The following ZNF346 variants were observed in gnomAD, a reference collection of about 807,000 sequenced individuals.
ZNF346 encodes double-stranded RNA-binding zinc finger protein JAZ.
ZNF346 carries 23 observed loss-of-function variants against 33.7 expected under a neutral mutation model. That is an observed-to-expected ratio of 0.68 (90% CI 0.49 to 0.97). The LOEUF is 0.97. ZNF346 is among the 50% of genes least tolerant of loss of function. The pLI is 0.00. For synonymous variants in ZNF346, 134 were observed against 142.4 expected (o/e 0.94, Z 0.42); for missense variants, 340 against 371.1 (o/e 0.92, Z 0.69).
rs56812954 is a variant in ZNF346, at chr5:177,038,876, TTGTGTGTG to T, written c.176-2218_176-2211del. 2.0e-3 allele frequency among the ~76,000 whole-genome samples: 275 copies of T among 135,430 alleles called. 1 individual carries two copies. Among genetic ancestry groups the T allele is most frequent in the African/African-American group, 4.0e-3 (143 of 35,592 alleles). The allele number at this position is 135,430 out of a possible 152,430, so 88.8% of individuals were successfully genotyped here. ...TTTTTCTTCTTTTTTCTTCTTCTTC[TTGTGTGTG>T]TGTGTGTGTGTGTGTGTGTGTGTGT... On this transcript the variant is annotated intron_variant, in intron 1 of 6. Transcript: ENST00000358149.
downstream of ZNF346, among the ~76,000 whole-genome samples, chr5:177,069,854 G>A (rs370451193): frequency 7.3e-5 from 11 of 151,590 alleles, no homozygotes; most frequent in African/African-American, 9.7e-5. Flanking sequence ...TAGGGATGGC[G>A]TCTCACCCTG....
chr5:177,058,631 A>C, intron 5 of ZNF346, among the ~76,000 whole-genome samples: 1 of 152,200 alleles, frequency 6.6e-6, no homozygotes, highest in Middle Eastern at 3.2e-3. Flanking sequence ...CCCACAGTGA[A>C]TGGTTCAAGC....
At chr5:177,027,769 T>C (rs1258839689) in intron 1 of ZNF346, among the ~76,000 whole-genome samples, 1 of 150,812 alleles carries the variant, frequency 6.6e-6, no homozygotes, top group Non-Finnish European at 1.5e-5. Flanking sequence ...TCCTTCAAAC[T>C]CAAAGCTAGG....
At chr5:177,022,968 G>C in intron 1 of ZNF346, 55 bp downstream of exon 1, 1 of 1,441,560 alleles carries the variant, frequency 6.9e-7, no homozygotes, top group Non-Finnish European at 9.1e-7. Flanking sequence ...CGGCTCGCGG[G>C]GAACTGCGGA....
In ZNF346 at chr5:177,036,401, CA is replaced by C. The variant is rs1215092382; in HGVS notation, c.176-4723del. 2.0e-5 allele frequency among the ~76,000 whole-genome samples: 3 copies of C among 152,182 alleles called. No individual in the cohort carries two copies. The East Asian group carries it at 5.8e-4, about 29-fold the overall frequency. ...GTGGTCAGATTAACTAGGGATTCAA[CA>C]AGATCTTGTTCTAAACACCTGGAGC... On this transcript the variant is annotated intron_variant, in intron 1 of 6. Coordinates refer to ENST00000358149, the MANE Select transcript of ZNF346 (RefSeq NM_012279.4).
Position 177,022,773 on chromosome 5 carries a change from C to T in ZNF346, c.35C>T (p.Ala12Val), listed in dbSNP as rs879020600. ...CCCGCGCCGGCCACGGTGCAGGCCG[C>T]GGACGGCGGAGCGGCCGGGCCTTAC... Reference protein sequence around the residue: ...EYPAPATVQAADGGAAGPYSS... With the variant: ...EYPAPATVQAVDGGAAGPYSS... Residue 12 changes from alanine (A) to valine (V), a missense_variant, in exon 1 of 7, where the codon GCG becomes GTG. By Grantham distance (64) the Ala-to-Val change is moderately conservative. Coordinates refer to ENST00000358149, the MANE Select transcript of ZNF346 (RefSeq NM_012279.4). 1.9e-6 allele frequency: 3 copies of T among 1,554,952 alleles called. No individual in the cohort carries two copies. The highest frequency in any genetic ancestry group is 2.4e-5 in the South Asian group (2 of 84,644).
intron 1 of ZNF346, among the ~76,000 whole-genome samples, chr5:177,039,959 T>C (rs933782341): frequency 5.5e-4 from 84 of 151,898 alleles, no homozygotes; most frequent in Admixed American, 4.8e-3. Context: ...GGTGGGTGGA[T>C]CACGAGGTCA....
chr5:177,072,033 C>G (rs1387789830), downstream of ZNF346, among the ~76,000 whole-genome samples: 1 of 152,174 alleles, frequency 6.6e-6, no homozygotes, highest in Non-Finnish European at 1.5e-5. Flanking sequence ...GAGTCAGCTT[C>G]TTTTTTCTAG....
intron 8 of ZNF346, among the ~76,000 whole-genome samples, chr5:177,075,065 G>A (rs962342077): frequency 1.0e-4 from 15 of 148,594 alleles, no homozygotes; most frequent in African/African-American, 3.5e-4. Flanking sequence ...GACTCCCTCC[G>A]TCTCAAAAAA....
At chr5:177,030,131 A>C (rs1307187893) in intron 1 of ZNF346, among the ~76,000 whole-genome samples, 1 of 152,192 alleles carries the variant, frequency 6.6e-6, no homozygotes, top group Non-Finnish European at 1.5e-5. Flanking sequence ...GCAACTCATA[A>C]ATTTTTGAAT....
intron 1 of ZNF346, 200 bp downstream of exon 1, chr5:177,023,113 C>A (rs1221675534): frequency 1.4e-6 from 2 of 1,474,218 alleles, no homozygotes; most frequent in East Asian, 2.5e-5. Context: ...GGGCCGCTCA[C>A]GCTCAGGCCC....
intron 1 of ZNF346, among the ~76,000 whole-genome samples, chr5:177,029,685 C>T (rs1244512533): frequency 1.3e-5 from 2 of 152,178 alleles, no homozygotes; most frequent in Non-Finnish European, 2.9e-5. Context: ...GACAAGTAGG[C>T]GGTTTGACCT....
chr5:177,067,912 C>T lies in ZNF346; in HGVS notation c.*3313C>T, dbSNP rs899191357. 1.1e-4 allele frequency among the ~76,000 whole-genome samples: 17 copies of T among 152,024 alleles called. No individual in the cohort carries two copies. In the South Asian group the frequency reaches 2.3e-3, roughly 20 times the overall value. On this transcript the variant is annotated 3_prime_UTR_variant, in exon 7 of 7. Transcript: ENST00000358149. ...TTGCGGCCGGGAGTTTAAGACCATCCTGGCCAACGTGGTGAAATCCCATCT... is the reference window on the plus strand; with the variant it reads ...TTGCGGCCGGGAGTTTAAGACCATCTTGGCCAACGTGGTGAAATCCCATCT...
intron 8 of ZNF346, among the ~76,000 whole-genome samples, chr5:177,074,093 C>G (rs1783634433): frequency 6.6e-6 from 1 of 152,140 alleles, no homozygotes; most frequent in South Asian, 2.1e-4. Context: ...ACAGCATAAG[C>G]AGAACTGCCA....
At chr5:177,034,209 T>TC (rs2149602501) in intron 1 of ZNF346, among the ~76,000 whole-genome samples, 2 of 151,194 alleles carry the variant, frequency 1.3e-5, no homozygotes, top group South Asian at 4.2e-4. Flanking sequence ...CTTTCTTTTT[T>TC]TTTTTTTTAA....
chr5:177,059,927 C>T (rs1782253757), intron 5 of ZNF346, among the ~76,000 whole-genome samples: 1 of 152,110 alleles, frequency 6.6e-6, no homozygotes, highest in Non-Finnish European at 1.5e-5. Context: ...AAGACAAATG[C>T]AAGACTGTGG....
intron 4 of ZNF346, among the ~76,000 whole-genome samples, chr5:177,048,627 G>GA (rs955156609): frequency 2.0e-5 from 3 of 150,886 alleles, no homozygotes; most frequent in Non-Finnish European, 3.0e-5. Flanking sequence ...ATCTCAAAAA[G>GA]AAAAAAAAGA....
At chr5:177,037,106 G>GGTTTTGTCAGTTTTGTCCT (rs1561980420) in intron 1 of ZNF346, among the ~76,000 whole-genome samples, 3 of 151,812 alleles carry the variant, frequency 2.0e-5, no homozygotes, top group South Asian at 2.1e-4. Context: ...AGTTTTGTCC[G>GGTTTTGTCAGTTTTGTCCT]GTTTTGTCAG....
In ZNF346 at chr5:177,041,115, C is replaced by A. The variant is rs1397018811; in HGVS notation, c.176-11C>A. ...TGTCAACTCAATGATTTCTTGTTTT[C>A]CCCTCTATAGTGGAGCACATGATCC... is the stretch of plus-strand genomic sequence containing the variant. On this transcript the variant is annotated splice_polypyrimidine_tract_variant and intron_variant, in intron 1 of 6. Transcript: ENST00000358149. The A allele has an allele frequency of 1.9e-6, 3 of 1,605,126 alleles. No individual in the cohort carries two copies. The highest frequency in any genetic ancestry group is 2.6e-6 in the Non-Finnish European group (3 of 1,172,216).
Sources: gnomAD v4.1 joint callset for allele counts (sites outside exome capture counted in the v4.1 genomes callset) on GRCh38, gnomAD v4.1.1 for gene constraint, MANE v1.5 for transcripts, NCBI Gene and HGNC (gene_info 2026-07-23, HGNC 2026-07-21) for gene names.